TXNRD1: variants seen among roughly 807,000 people sequenced by gnomAD.
The protein encoded by TXNRD1 is thioredoxin reductase 1, also known as thioredoxin reductase 1, cytoplasmic.
TXNRD1 carries 57 observed loss-of-function variants against 80.3 expected under a neutral mutation model. The observed-to-expected ratio is 0.71, with a 90% CI of 0.57 to 0.89. The LOEUF is 0.89. Among genes scored for constraint, TXNRD1 ranks in the 40% least tolerant of loss-of-function variants. The pLI is 0.00. For missense variants in TXNRD1, 730 were observed against 803.0 expected (o/e 0.91, Z 1.10); for synonymous variants, 291 against 285.2 (o/e 1.02, Z -0.20).
chr12:104,312,012 A>G (rs1403374585), intron 5 of TXNRD1, among the ~76,000 whole-genome samples: 1 of 151,522 alleles, frequency 6.6e-6, no homozygotes, highest in African/African-American at 2.4e-5. Context: ...GTGTATATAT[A>G]TGTATATATA....
chr12:104,252,662 T>TATATATATATATATATA lies in TXNRD1; in HGVS notation c.243+984_243+985insATATATATATATATATA, dbSNP rs756948232. 1.4e-3 allele frequency among the ~76,000 whole-genome samples: 64 copies of TATATATATATATATATA among 45,782 alleles called. 1 individual carries two copies. The highest frequency in any genetic ancestry group is 2.8e-3 in the African/African-American group (33 of 11,722). 30.0% of individuals were successfully genotyped at this position (45,782 alleles called of 152,430 possible). On this transcript the variant is annotated intron_variant, in intron 2 of 16. Transcript: ENST00000525566. Reference sequence around the variant, plus strand: ...CACTGAGAGGTTAATTTATTATTTTTTATATATATATATATATATATATAT... The same window carrying TATATATATATATATATA: ...CACTGAGAGGTTAATTTATTATTTTTATATATATATATATATATATATATATATATATATATATATAT...
intron 10 of TXNRD1, among the ~76,000 whole-genome samples, chr12:104,323,381 C>T (rs1386995817): frequency 6.0e-5 from 9 of 148,792 alleles, no homozygotes; most frequent in Non-Finnish European, 1.0e-4. Context: ...TAGGGGCGGC[C>T]GGGGCGGCTG....
At chr12:104,345,875 G>A in intron 16 of TXNRD1, 1 of 959,958 alleles carries the variant, frequency 1.0e-6, no homozygotes, top group Non-Finnish European at 1.4e-6. Flanking sequence ...GCCTCCAGCA[G>A]CTCCTGACCC....
intron 5 of TXNRD1, 70 bp downstream of exon 5, chr12:104,311,482 G>A: frequency 6.4e-7 from 1 of 1,552,162 alleles, no homozygotes; most frequent in East Asian, 2.3e-5. Flanking sequence ...CCCTGACAGG[G>A]TTCTCTCCTC....
intron 14 of TXNRD1, among the ~76,000 whole-genome samples, 167 bp downstream of exon 14, chr12:104,331,808 GTC>G (rs1317458676): frequency 2.7e-5 from 4 of 146,710 alleles, no homozygotes; most frequent in Non-Finnish European, 6.0e-5. Flanking sequence ...ACTTTTAGTA[GTC>G]TCTCATTCTG....
chr12:104,331,341 A>C (rs2035939642), intron 13 of TXNRD1, among the ~76,000 whole-genome samples, 193 bp from the exon 14 acceptor site: 1 of 152,202 alleles, frequency 6.6e-6, no homozygotes, highest in Non-Finnish European at 1.5e-5. Context: ...ACTTCTATCC[A>C]CTAAACTTTT....
intron 16 of TXNRD1, among the ~76,000 whole-genome samples, chr12:104,340,454 C>T (rs912612003): frequency 1.3e-5 from 2 of 152,172 alleles, no homozygotes; most frequent in African/African-American, 4.8e-5. Context: ...GATATTTCCT[C>T]CCTCTCAGTT....
At chr12:104,242,596 T>G (rs2032897912) in intron 1 of TXNRD1, among the ~76,000 whole-genome samples, 1 of 152,138 alleles carries the variant, frequency 6.6e-6, no homozygotes. Context: ...TTTTCTTATC[T>G]TATTAACAGC....
At chr12:104,280,943 G>A (rs2033863853) in intron 3 of TXNRD1, among the ~76,000 whole-genome samples, 1 of 152,096 alleles carries the variant, frequency 6.6e-6, no homozygotes, top group Non-Finnish European at 1.5e-5. Flanking sequence ...GAAGAGCTGT[G>A]ACTAATACAC....
intron 4 of TXNRD1, among the ~76,000 whole-genome samples, chr12:104,297,434 C>T (rs1026633791): frequency 6.6e-6 from 1 of 151,860 alleles, no homozygotes; most frequent in Non-Finnish European, 1.5e-5. Flanking sequence ...TGTGTGATCT[C>T]AGTTCACTGC....
At chr12:104,337,623 G>A (rs962319446) in intron 15 of TXNRD1, among the ~76,000 whole-genome samples, 10 of 151,812 alleles carry the variant, frequency 6.6e-5, no homozygotes, top group Admixed American at 2.6e-4. Flanking sequence ...TTGGGAGGCC[G>A]AGGTGGGTGA....
chr12:104,304,396 A>G (rs751468382), intron 4 of TXNRD1: 2 of 1,614,068 alleles, frequency 1.2e-6, no homozygotes, highest in Non-Finnish European at 1.7e-6. Context: ...GGAAGGCAAT[A>G]GAAAAGGAAG....
intron 4 of TXNRD1, 154 bp downstream of exon 4, chr12:104,289,194 G>C (rs1026229209): frequency 4.9e-5 from 38 of 768,354 alleles, no homozygotes; most frequent in Non-Finnish European, 7.3e-5. Context: ...TAGCGCATGT[G>C]TTAATCGAAG....
At chr12:104,306,502 T>C (rs1050882431) in intron 4 of TXNRD1, among the ~76,000 whole-genome samples, 4 of 152,188 alleles carry the variant, frequency 2.6e-5, no homozygotes, top group Non-Finnish European at 5.9e-5. Context: ...GTATCTGTTA[T>C]GCATAGCAGT....
chr12:104,251,742 A>T (rs1170581391), intron 2 of TXNRD1, 64 bp downstream of exon 2: 19 of 1,568,182 alleles, frequency 1.2e-5, no homozygotes, highest in Non-Finnish European at 1.6e-5. Context: ...TTTGAGCTCA[A>T]ATGTAAACAA....
At chr12:104,298,878 ACT>A (rs2034519972) in intron 4 of TXNRD1, among the ~76,000 whole-genome samples, 1 of 151,924 alleles carries the variant, frequency 6.6e-6, no homozygotes, top group Admixed American at 6.6e-5. Context: ...AGTTGAAAAC[ACT>A]GTCAGATATA....
chr12:104,285,149 G>C (rs910957660), intron 3 of TXNRD1, among the ~76,000 whole-genome samples: 3 of 152,112 alleles, frequency 2.0e-5, no homozygotes, highest in African/African-American at 7.2e-5. Flanking sequence ...ACTCCAGCCA[G>C]AGCAACAGAG....
At chr12:104,241,078 C>T (rs1225303366) in intron 1 of TXNRD1, among the ~76,000 whole-genome samples, 8 of 150,880 alleles carry the variant, frequency 5.3e-5, no homozygotes, top group Non-Finnish European at 1.0e-4. Context: ...CTCACTCTGT[C>T]GCCCAGGCTG....
At chr12:104,288,491 G>A (rs1369176529) in intron 3 of TXNRD1, among the ~76,000 whole-genome samples, 1 of 152,256 alleles carries the variant, frequency 6.6e-6, no homozygotes, top group African/African-American at 2.4e-5. Context: ...AACGTTGGAA[G>A]TTGGATTTTG....
Sources: allele counts gnomAD v4.1 joint callset (sites outside exome capture counted in the v4.1 genomes callset), GRCh38; gene constraint gnomAD v4.1.1; transcripts MANE v1.5; gene names NCBI Gene and HGNC (gene_info 2026-07-23, HGNC 2026-07-21).